The following WDR37 variants were observed in gnomAD, a reference collection of about 807,000 sequenced individuals.
WDR37 encodes the protein WD repeat domain 37.
Under a neutral mutation model 62.9 loss-of-function variants are expected in WDR37, and 19 were observed. That is an observed-to-expected ratio of 0.30 (90% confidence interval 0.21 to 0.44). The LOEUF is 0.44. WDR37 is among the 20% of genes least tolerant of loss of function. The probability of loss-of-function intolerance (pLI) is 1.00; values close to 1 mark genes in which losing one functional copy is unlikely to be tolerated. For missense variants in WDR37, 474 were observed against 657.6 expected (o/e 0.72, Z 3.05); for synonymous variants, 250 against 260.9 (o/e 0.96, Z 0.40).
At chr10:1,094,892 A>G (rs1349030561) in intron 8 of WDR37, among the ~76,000 whole-genome samples, 4 of 151,694 alleles carry the variant, frequency 2.6e-5, no homozygotes, top group Non-Finnish European at 5.9e-5. Flanking sequence ...TTACACTGGG[A>G]AACATGAGGT....
intron 7 of WDR37, among the ~76,000 whole-genome samples, chr10:1,092,041 G>A (rs1168964046): frequency 4.0e-5 from 6 of 151,628 alleles, no homozygotes; most frequent in African/African-American, 7.3e-5. Context: ...TTAGCCGGGC[G>A]TGTTGGCGGG....
intron 9 of WDR37, among the ~76,000 whole-genome samples, chr10:1,101,033 C>T (rs901849734): frequency 3.9e-5 from 6 of 152,324 alleles, no homozygotes; most frequent in East Asian, 1.9e-4. Flanking sequence ...ACCTTTCCAC[C>T]GTCTGAACGC....
At chr10:1,077,072 A>T (rs1007175450) in intron 2 of WDR37, among the ~76,000 whole-genome samples, 91 of 151,528 alleles carry the variant, frequency 6.0e-4, no homozygotes, top group Non-Finnish European at 4.1e-4. Context: ...TTTGAAAATT[A>T]CTCTGGGTGT....
intron 7 of WDR37, among the ~76,000 whole-genome samples, chr10:1,090,225 C>G (rs1043614795): frequency 8.5e-5 from 13 of 152,186 alleles, no homozygotes; most frequent in Non-Finnish European, 1.9e-4. Context: ...GTGGTAGGAT[C>G]TCGGCTCACT....
At chr10:1,100,061 A>C (rs1230786773) in intron 9 of WDR37, among the ~76,000 whole-genome samples, 1 of 152,254 alleles carries the variant, frequency 6.6e-6, no homozygotes, top group East Asian at 1.9e-4. Flanking sequence ...GAAAAACACT[A>C]ATTTTGTGAG....
At chr10:1,108,046 T>C (rs939760622) in intron 11 of WDR37, among the ~76,000 whole-genome samples, 5 of 152,382 alleles carry the variant, frequency 3.3e-5, no homozygotes, top group African/African-American at 1.2e-4. Flanking sequence ...ACTTGTATAT[T>C]TTCTTTGGCT....
Position 1,077,901 on chromosome 10 carries a change from C to T in WDR37, c.139-6C>T. On this transcript the variant is annotated splice_region_variant and splice_polypyrimidine_tract_variant and intron_variant, in intron 2 of 13. Coordinates refer to ENST00000263150, the MANE Select transcript of WDR37 (RefSeq NM_014023.4). ...CATTCATTTTAAACAAAGTCTTCTT[C>T]TGCAGGATTCTAAACTGCCTTCCTC... 6.2e-7 allele frequency: 1 copy of T among 1,604,360 alleles called. No homozygotes were observed. Among genetic ancestry groups the T allele is most frequent in the Non-Finnish European group, 8.5e-7 (1 of 1,175,850 alleles).
At chr10:1,083,646 T>G (rs776928432) in intron 5 of WDR37, among the ~76,000 whole-genome samples, 6 of 152,222 alleles carry the variant, frequency 3.9e-5, no homozygotes, top group Non-Finnish European at 7.3e-5. Flanking sequence ...TCTTCCTCAC[T>G]CACTTCATAT....
chr10:1,130,824 G>T lies in WDR37; in HGVS notation c.*1480G>T, dbSNP rs1835934294. The stretch of plus-strand genomic sequence containing the variant: ...ACCCGTCCTTTGGTGCAGCTCGCCA[G>T]GGATGAGAGGCACCTCCCTACTTGG... On this transcript the variant is annotated 3_prime_UTR_variant, in exon 14 of 14. Coordinates refer to ENST00000263150, the MANE Select transcript of WDR37 (RefSeq NM_014023.4). 1 of 152,066 alleles carries T rather than the reference G, an allele frequency of 6.6e-6. No homozygotes were observed. Among genetic ancestry groups the T allele is most frequent in the African/African-American group, 2.4e-5 (1 of 41,340 alleles). 9.4% of individuals were successfully genotyped at this position (152,066 alleles called of 1,614,324 possible).
intron 11 of WDR37, among the ~76,000 whole-genome samples, chr10:1,114,601 G>T (rs1835328244): frequency 6.6e-6 from 1 of 152,236 alleles, no homozygotes; most frequent in African/African-American, 2.4e-5. Context: ...CGGAAAACCA[G>T]ACAGCTCTTG....
chr10:1,088,884 G>A (rs1266029659), intron 7 of WDR37, among the ~76,000 whole-genome samples: 1 of 152,148 alleles, frequency 6.6e-6, no homozygotes, highest in Admixed American at 6.5e-5. Context: ...AATAAAACGG[G>A]GTATGCCTGC....
At position 1,128,903 on chromosome 10, in the gene WDR37, T is replaced by TCGGCGGTCCATGCTCGG. The variant is rs1554734332; in HGVS notation, c.1354-310_1354-309insCGGCGGTCCATGCTCGG. 1.4e-4 allele frequency among the ~76,000 whole-genome samples: 21 copies of TCGGCGGTCCATGCTCGG among 148,736 alleles called. 8 individuals are homozygous for TCGGCGGTCCATGCTCGG. The highest frequency in any genetic ancestry group is 3.9e-4 in the East Asian group (2 of 5,072). On this transcript the variant is annotated intron_variant, in intron 13 of 13. Transcript: ENST00000263150. ...GGTGGTCCTGCTCAGTGGTCCATGC[T>TCGGCGGTCCATGCTCGG]TGGTGGTCCATGCTCTATGGTCCAT...
At chr10:1,122,923 G>T (rs1328822653) in intron 11 of WDR37, among the ~76,000 whole-genome samples, 4 of 152,212 alleles carry the variant, frequency 2.6e-5, no homozygotes, top group African/African-American at 9.6e-5. Context: ...TTTACCACGG[G>T]TAAGACTATT....
rs574823282 is a variant in WDR37, at chr10:1,099,879, G to A, written c.726+3633G>A. On this transcript the variant is annotated intron_variant, in intron 9 of 13. Coordinates refer to ENST00000263150, the MANE Select transcript of WDR37 (RefSeq NM_014023.4). Reference sequence around the variant, plus strand: ...GATGCTCAGGAAATTCAAAATGTGCGCTGATGGCGGGCGTGGTGGAGTGGT... The same window carrying A: ...GATGCTCAGGAAATTCAAAATGTGCACTGATGGCGGGCGTGGTGGAGTGGT... Among the ~76,000 whole-genome samples the A allele has an allele frequency of 1.7e-4, 25 of 145,978 alleles. 1 individual carries two copies. The South Asian group carries it at 3.8e-3, about 22-fold the overall frequency.
intron 2 of WDR37, among the ~76,000 whole-genome samples, chr10:1,075,759 T>C (rs1267517135): frequency 2.6e-5 from 4 of 151,144 alleles, no homozygotes; most frequent in Non-Finnish European, 5.9e-5. Context: ...CAGCACAAGC[T>C]TATGTTTCAT....
At chr10:1,096,505 T>C in intron 9 of WDR37, 1 of 517,202 alleles carries the variant, frequency 1.9e-6, no homozygotes, top group Non-Finnish European at 3.5e-6. Flanking sequence ...ACTCTCCGTG[T>C]CACGTAAGAG....
chr10:1,060,503 T>C (rs2131600746), intron 1 of WDR37, among the ~76,000 whole-genome samples: 1 of 152,302 alleles, frequency 6.6e-6, no homozygotes, highest in Non-Finnish European at 1.5e-5. Flanking sequence ...TAAGCCTTCT[T>C]TGTAATATGG....
chr10:1,127,812 G>A (rs552439496), intron 13 of WDR37, among the ~76,000 whole-genome samples: 5 of 152,242 alleles, frequency 3.3e-5, no homozygotes, highest in Admixed American at 1.3e-4. Context: ...TGGGGCTCAT[G>A]ACGGCATGGG....
At chr10:1,072,350 GC>G (rs2131615492) in intron 2 of WDR37, 57 bp downstream of exon 2, 3 of 1,596,196 alleles carry the variant, frequency 1.9e-6, no homozygotes, top group South Asian at 2.2e-5. Context: ...ACAGAGTTTC[GC>G]TCGTTTCCCC....
Sources: allele counts gnomAD v4.1 joint callset (sites outside exome capture counted in the v4.1 genomes callset), GRCh38; gene constraint gnomAD v4.1.1; transcripts MANE v1.5; gene names NCBI Gene and HGNC (gene_info 2026-07-23, HGNC 2026-07-21).